Variants in STARD9 observed in about 807,000 individuals in gnomAD.
STARD9 encodes the protein StAR related lipid transfer domain containing 9.
Under a neutral mutation model 399.8 loss-of-function variants are expected in STARD9, and 346 were observed. The observed-to-expected ratio is 0.87, with a 90% CI of 0.79 to 0.95. The LOEUF is 0.95. STARD9 is among the 40% of genes least tolerant of loss of function. The pLI, the probability that STARD9 is intolerant of heterozygous loss-of-function variation, is 0.00. For missense variants in STARD9, 5,832 were observed against 5,667.5 expected (o/e 1.03, Z -0.93); for synonymous variants, 2,203 against 2,143.5 (o/e 1.03, Z -0.77).
intron 8 of STARD9, among the ~76,000 whole-genome samples, chr15:42,651,780 T>TA (rs2059767687): frequency 6.6e-6 from 1 of 152,210 alleles, no homozygotes; most frequent in Non-Finnish European, 1.5e-5. Flanking sequence ...CACTTACTTC[T>TA]GGTCTTCAGG....
intron 3 of STARD9, among the ~76,000 whole-genome samples, chr15:42,588,587 A>G (rs1322556065): frequency 6.6e-6 from 1 of 152,008 alleles, no homozygotes; most frequent in Non-Finnish European, 1.5e-5. Context: ...GAGTGGTGGC[A>G]GGACTCATAT....
chr15:42,590,597 A>G (rs2058374303), intron 3 of STARD9, among the ~76,000 whole-genome samples: 1 of 152,190 alleles, frequency 6.6e-6, no homozygotes, highest in Non-Finnish European at 1.5e-5. Flanking sequence ...TTTGTGTTAT[A>G]AAGGAATACC....
chr15:42,631,217 G>A (rs1344259565), intron 3 of STARD9, among the ~76,000 whole-genome samples: 1 of 151,974 alleles, frequency 6.6e-6, no homozygotes, highest in East Asian at 1.9e-4. Context: ...GATGCTTATT[G>A]CTGTAAACTT....
Position 42,689,305 on chromosome 15 carries a change from C to A in STARD9, c.7727C>A (p.Ser2576Tyr). The stretch of plus-strand genomic sequence containing the variant: ...TTTGTGGCCAGGGGCACAGTCCTTT[C>A]TTACTGTGAAACTTTACTAGAACCC... ...HDFVARGTVL[S>Y]YCETLLEPEC... Residue 2576 changes from serine (S) to tyrosine (Y), a missense_variant, in exon 23 of 33, where the codon TCT (serine) becomes TAT (tyrosine). This residue lies in a region of STARD9 where 5,828 missense variants were observed against 5,651.1 expected (regional missense o/e 1.03). Coordinates refer to ENST00000290607, the MANE Select transcript of STARD9 (RefSeq NM_020759.3). The A allele has an allele frequency of 6.5e-7, 1 of 1,537,256 alleles. No homozygotes were observed. Among genetic ancestry groups the A allele is most frequent in the Non-Finnish European group, 8.7e-7 (1 of 1,146,924 alleles).
intron 13 of STARD9, 113 bp downstream of exon 13, chr15:42,664,030 C>A (rs903608280): frequency 2.9e-6 from 2 of 689,902 alleles, no homozygotes; most frequent in African/African-American, 1.8e-5. Flanking sequence ...CCAGACTTGT[C>A]CTCCAGATGA....
At chr15:42,638,124 C>G in intron 6 of STARD9, 37 bp downstream of exon 6, 4 of 1,503,786 alleles carry the variant, frequency 2.7e-6, no homozygotes, top group Non-Finnish European at 2.7e-6. Flanking sequence ...TACAGTAGTT[C>G]TTCTTCTACT....
intron 10 of STARD9, among the ~76,000 whole-genome samples, chr15:42,661,764 G>C (rs2059997999): frequency 6.6e-6 from 1 of 151,964 alleles, no homozygotes; most frequent in East Asian, 1.9e-4. Flanking sequence ...GCCACCTGAG[G>C]ACCTTTTAAA....
intron 26 of STARD9, among the ~76,000 whole-genome samples, chr15:42,712,081 T>TATA (rs57090140): frequency 2.6e-4 from 10 of 39,120 alleles, no homozygotes; most frequent in African/African-American, 9.7e-4. Context: ...TATATATATA[T>TATA]TATATATATA....
chr15:42,665,276 AG>A lies in STARD9; in HGVS notation c.1201del (p.Glu401AsnfsTer9). The part of the protein sequence containing the change: ...NEDANLKLIR[E>X]LREEIERLKA... ...AGGATGCAAACTTAAAACTGATTAG[AG>A]AACTCAGAGAAGAGATTGAAAGACT... On this transcript the variant is annotated frameshift_variant, in exon 14 of 33. Coordinates refer to ENST00000290607, the MANE Select transcript of STARD9 (RefSeq NM_020759.3). LOFTEE classifies it high-confidence loss of function. 1.3e-6 allele frequency: 2 copies of A among 1,537,146 alleles called. No individual in the cohort carries two copies. Among genetic ancestry groups the A allele is most frequent in the Non-Finnish European group, 1.7e-6 (2 of 1,146,806 alleles).
At position 42,692,742 on chromosome 15, in the gene STARD9, C is replaced by G; in HGVS notation, c.11164C>G (p.Leu3722Val). The change falls in exon 23 of 33, where the codon CTG becomes GTG. Residue 3722 changes from leucine (L) to valine (V), a missense_variant. Leu to Val is a conservative substitution (Grantham distance 32). Transcript: ENST00000290607. Reference protein sequence around the residue: ...RDIPDKAPQALMMDGSTQTTV... With the variant: ...RDIPDKAPQAVMMDGSTQTTV... ...CATCCCAGATAAAGCCCCACAGGCC[C>G]TGATGATGGATGGCTCTACTCAGAC... 1 of 1,537,188 alleles carries G rather than the reference C, an allele frequency of 6.5e-7. No homozygotes were observed. The highest frequency in any genetic ancestry group is 8.7e-7 in the Non-Finnish European group (1 of 1,146,900).
intron 3 of STARD9, among the ~76,000 whole-genome samples, chr15:42,588,112 G>A (rs1034460934): frequency 6.6e-6 from 1 of 152,130 alleles, no homozygotes; most frequent in Non-Finnish European, 1.5e-5. Flanking sequence ...CATGGCATAC[G>A]TGTGGCTGTT....
At chr15:42,626,540 G>T (rs1235642601) in intron 3 of STARD9, among the ~76,000 whole-genome samples, 2 of 146,956 alleles carry the variant, frequency 1.4e-5, no homozygotes, top group East Asian at 4.0e-4. Context: ...CATTCTTGTT[G>T]CCCAGGCTGG....
At position 42,689,339 on chromosome 15, in the gene STARD9, T is replaced by C. The variant is rs1449691312; in HGVS notation, c.7761T>C (p.Ser2587=). Residue 2587 remains serine (S), a synonymous_variant, in exon 23 of 33, where the codon TCT becomes TCC. Transcript: ENST00000290607. ...YCETLLEPEC[S]SRVAGRPQCK... is the part of the protein sequence containing the mutation. ...AAACTTTACTAGAACCCGAATGTTC[T>C]TCAAGGGTTGCTGGCAGGCCTCAGT... 6.5e-7 allele frequency: 1 copy of C among 1,537,244 alleles called. No individual in the cohort carries two copies. Among genetic ancestry groups the C allele is most frequent in the Non-Finnish European group, 8.7e-7 (1 of 1,146,906 alleles).
chr15:42,686,418 A>C lies in STARD9; in HGVS notation c.4840A>C (p.Ile1614Leu), dbSNP rs1337721191. The change falls in exon 23 of 33, where the codon ATA (isoleucine) becomes CTA (leucine). Residue 1614 changes from isoleucine (I) to leucine (L), a missense_variant. Physicochemically the swap from Ile to Leu is conservative, Grantham distance 5 (BLOSUM62 2). Coordinates refer to ENST00000290607, the MANE Select transcript of STARD9 (RefSeq NM_020759.3). Reference sequence around the variant, plus strand: ...ACAGGTCTTTGCAACAGAGAACGCGATACCAGATTCCATGACAGAAGCATG... The same window carrying C: ...ACAGGTCTTTGCAACAGAGAACGCGCTACCAGATTCCATGACAGAAGCATG... ...NAQVFATENA[I>L]PDSMTEACEV... 1 of 1,537,658 alleles carries C rather than the reference A, an allele frequency of 6.5e-7. No homozygotes were observed. Among genetic ancestry groups the C allele is most frequent in the African/African-American group, 1.4e-5 (1 of 73,038 alleles).
chr15:42,696,481 T>C (rs1427311412), intron 26 of STARD9, among the ~76,000 whole-genome samples: 1 of 152,196 alleles, frequency 6.6e-6, no homozygotes, highest in African/African-American at 2.4e-5. Context: ...TAGAAAATCA[T>C]GTGGACTATA....
chr15:42,599,790 G>C (rs2058585718), intron 3 of STARD9, among the ~76,000 whole-genome samples: 1 of 152,158 alleles, frequency 6.6e-6, no homozygotes, highest in Non-Finnish European at 1.5e-5. Context: ...AGTGCTGCGA[G>C]GAATACAGAG....
At chr15:42,679,127 T>C (rs1258013267) in intron 20 of STARD9, among the ~76,000 whole-genome samples, 1 of 152,224 alleles carries the variant, frequency 6.6e-6, no homozygotes, top group Non-Finnish European at 1.5e-5. Context: ...ATAAAGACCC[T>C]GTCTCAGCCT....
At chr15:42,648,784 C>G (rs1315883927) in intron 7 of STARD9, among the ~76,000 whole-genome samples, 1 of 152,190 alleles carries the variant, frequency 6.6e-6, no homozygotes, top group East Asian at 1.9e-4. Context: ...CTACCATTAC[C>G]TCTTATAATA....
At chr15:42,628,936 T>A (rs565267408) in intron 3 of STARD9, among the ~76,000 whole-genome samples, 2 of 152,292 alleles carry the variant, frequency 1.3e-5, no homozygotes, top group East Asian at 3.9e-4. Flanking sequence ...AATAAAAATT[T>A]TAGGATTGTT....
Sources: allele counts gnomAD v4.1 joint callset (sites outside exome capture counted in the v4.1 genomes callset), GRCh38; gene constraint gnomAD v4.1.1; regional missense constraint gnomAD v4.1.1; transcripts MANE v1.5; gene names NCBI Gene and HGNC (gene_info 2026-07-23, HGNC 2026-07-21).